FSTL5: variants seen among roughly 807,000 people sequenced by gnomAD.
FSTL5 encodes the protein follistatin-related protein 5.
FSTL5 carries 62 observed loss-of-function variants against 89.1 expected under a neutral mutation model. The observed-to-expected ratio is 0.70, with a 90% confidence interval of 0.57 to 0.86. FSTL5 has a LOEUF of 0.86. Among genes scored for constraint, FSTL5 ranks in the 40% least tolerant of loss-of-function variants. The pLI is 0.00. For synonymous variants in FSTL5, 383 were observed against 346.2 expected, an observed-to-expected ratio of 1.11 and a Z score of -1.18; for missense variants, 1,057 against 1,001.6, an observed-to-expected ratio of 1.06 and a Z score of -0.75.
intron 15 of FSTL5, among the ~76,000 whole-genome samples, chr4:161,452,615 T>A (rs1733210885): frequency 6.6e-6 from 1 of 152,146 alleles, no homozygotes; most frequent in Non-Finnish European, 1.5e-5. Context: ...TGGAAACGCA[T>A]GTTAATTTTT....
At chr4:161,443,702 A>T (rs1213791502) in intron 15 of FSTL5, among the ~76,000 whole-genome samples, 1 of 151,962 alleles carries the variant, frequency 6.6e-6, no homozygotes, top group Non-Finnish European at 1.5e-5. Context: ...CGACTAGAGG[A>T]GCAGGAAAAG....
intron 7 of FSTL5, among the ~76,000 whole-genome samples, chr4:161,623,283 C>T (rs115936704): frequency 6.6e-6 from 1 of 151,736 alleles, no homozygotes; most frequent in African/African-American, 2.4e-5. Context: ...TACAATAAGT[C>T]AAGGAAAATA....
intron 2 of FSTL5, among the ~76,000 whole-genome samples, chr4:162,076,801 T>C (rs1043101041): frequency 1.3e-4 from 19 of 151,878 alleles, no homozygotes; most frequent in Admixed American, 1.3e-4. Context: ...TTATGTCTTA[T>C]ATTCTCAGAC....
chr4:161,572,318 TAAAAAAAAAAA>T (rs755306574), intron 8 of FSTL5, among the ~76,000 whole-genome samples: 7 of 64,054 alleles, frequency 1.1e-4, no homozygotes, highest in Non-Finnish European at 2.8e-5. Context: ...AGACTCCGTC[TAAAAAAAAAAA>T]AAAAAAAAAA....
chr4:162,035,499 CA>C (rs890407099), intron 2 of FSTL5: 8 of 151,766 alleles, frequency 5.3e-5, no homozygotes, highest in African/African-American at 1.7e-4. Context: ...TTAGCATTGT[CA>C]AAAATATTAA....
intron 3 of FSTL5, among the ~76,000 whole-genome samples, chr4:161,952,530 CAGAT>C (rs1343250492): frequency 1.3e-5 from 2 of 151,866 alleles, no homozygotes; most frequent in Admixed American, 6.6e-5. Flanking sequence ...ATTTAGGTAT[CAGAT>C]AGCTTGTTAA....
chr4:161,384,839 A>C lies in FSTL5; in HGVS notation c.*908T>G, dbSNP rs1271374142. ...AAGTAATGTTTCTTTTTTAAAACCG[A>C]AAGTTCCTGATGATGAAACATTGGA... On this transcript the variant is annotated 3_prime_UTR_variant, in exon 16 of 16. Transcript: ENST00000306100. The C allele has an allele frequency of 6.6e-6, 1 of 152,156 alleles. No individual in the cohort carries two copies. Among genetic ancestry groups the C allele is most frequent in the Non-Finnish European group, 1.5e-5 (1 of 68,020 alleles). 9.4% of individuals were successfully genotyped at this position (152,156 alleles called of 1,614,324 possible).
intron 7 of FSTL5, among the ~76,000 whole-genome samples, chr4:161,649,343 A>G (rs1736257599): frequency 6.6e-6 from 1 of 152,184 alleles, no homozygotes; most frequent in Admixed American, 6.5e-5. Context: ...GAAACCTGTT[A>G]TATTTTTCTT....
At chr4:161,890,686 T>A (rs1457170175) in intron 4 of FSTL5, among the ~76,000 whole-genome samples, 8 of 115,026 alleles carry the variant, frequency 7.0e-5, no homozygotes, top group Admixed American at 2.9e-4. Context: ...AGACTCTGTC[T>A]AAAAAAAAAA....
At chr4:161,586,335 T>C (rs771280359) in intron 8 of FSTL5, among the ~76,000 whole-genome samples, 2 of 152,208 alleles carry the variant, frequency 1.3e-5, no homozygotes, top group African/African-American at 2.4e-5. Context: ...AATATAATTA[T>C]ATTTAAGTTA....
chr4:161,689,563 C>T (rs569302096), intron 6 of FSTL5, among the ~76,000 whole-genome samples: 1 of 151,988 alleles, frequency 6.6e-6, no homozygotes, highest in Admixed American at 6.5e-5. Context: ...TTTAATATGG[C>T]TATTAGAAAA....
At chr4:161,404,741 TAAG>T (rs1234597629) in intron 15 of FSTL5, among the ~76,000 whole-genome samples, 7 of 151,252 alleles carry the variant, frequency 4.6e-5, no homozygotes, top group Admixed American at 4.6e-4. Flanking sequence ...TCATAGAATT[TAAG>T]AAGGGGAAAA....
At chr4:161,656,550 A>G in intron 6 of FSTL5, 56 bp from the exon 7 acceptor site, 1 of 1,171,486 alleles carries the variant, frequency 8.5e-7, no homozygotes, top group Non-Finnish European at 1.1e-6. Flanking sequence ...TAAGGCTAAT[A>G]GTATAAAATT....
chr4:161,500,110 T>G lies in FSTL5; in HGVS notation c.1364A>C (p.Tyr455Ser). Residue 455 changes from tyrosine to serine, a missense_variant, in exon 12 of 16, where the codon TAT becomes TCT. Around this residue, in one of 3 missense-constraint regions of FSTL5, gnomAD observed 980 missense variants for 903.2 expected, o/e 1.08. Transcript: ENST00000306100. ...TTTGATTCCATCTTCATAAAAAACA[T>G]AGAACATGTTCCCAATTCCCAGACC... ...EEGLGIGNMF[Y>S]VFYEDGIKVI... is the part of the protein sequence containing the mutation. 6.2e-7 allele frequency: 1 copy of G among 1,600,226 alleles called. No homozygotes were observed. The highest frequency in any genetic ancestry group is 8.5e-7 in the Non-Finnish European group (1 of 1,170,086).
intron 1 of FSTL5, among the ~76,000 whole-genome samples, chr4:162,150,980 A>T (rs74892037): frequency 0.049 from 7,391 of 152,254 alleles, 360 homozygotes; most frequent in African/African-American, 0.12. Context: ...TTTAAATTTC[A>T]TATAGGAAAG....
intron 4 of FSTL5, among the ~76,000 whole-genome samples, chr4:161,891,072 T>A (rs1410957454): frequency 9.8e-5 from 2 of 20,414 alleles, no homozygotes; most frequent in Admixed American, 9.5e-4. Flanking sequence ...TTTTAATCAA[T>A]TTGACTTTTT....
Position 161,385,750 on chromosome 4 carries a change from G to A in FSTL5, c.2541C>T (p.Ala847=). The A allele has an allele frequency of 6.3e-7, 1 of 1,574,858 alleles. No homozygotes were observed. Among genetic ancestry groups the A allele is most frequent in the Non-Finnish European group, 8.6e-7 (1 of 1,159,692 alleles). ...KGNTVIWVGD[A] The stretch of plus-strand genomic sequence containing the variant: ...CAATAATTGTATCGTAGGGTTTTTA[G>A]GCATCTCCAACCCAAATGACTGTAT... Residue 847 remains alanine (A), a synonymous_variant, in exon 16 of 16, where the codon GCC becomes GCT. Transcript: ENST00000306100.
chr4:161,524,728 G>A (rs1183966170), intron 10 of FSTL5, among the ~76,000 whole-genome samples: 2 of 152,142 alleles, frequency 1.3e-5, no homozygotes, highest in Admixed American at 6.5e-5. Flanking sequence ...CGGAGGCTGA[G>A]ACGGGCGGAT....
At chr4:162,083,675 T>C (rs1376718914) in intron 2 of FSTL5, among the ~76,000 whole-genome samples, 2 of 151,790 alleles carry the variant, frequency 1.3e-5, no homozygotes, top group African/African-American at 4.8e-5. Context: ...TCTGAAATAC[T>C]TGCAAGGAAT....
Sources: gnomAD v4.1 joint callset for allele counts (sites outside exome capture counted in the v4.1 genomes callset) on GRCh38, gnomAD v4.1.1 for gene constraint, gnomAD v4.1.1 regional missense constraint, MANE v1.5 for transcripts, NCBI Gene and HGNC (gene_info 2026-07-23, HGNC 2026-07-21) for gene names.